IL1RAPL1: variants seen among roughly 807,000 people sequenced by gnomAD.
The protein encoded by IL1RAPL1 is interleukin 1 receptor accessory protein like 1.
A neutral mutation model predicts 48.4 loss-of-function variants in IL1RAPL1; 3 were observed. The ratio of observed to expected loss-of-function variants is 0.06; its 90% CI spans 0.03 to 0.16. IL1RAPL1 has a LOEUF of 0.16. Ranked by LOEUF, IL1RAPL1 falls within the 10% of genes least tolerant of loss-of-function variation. The pLI is 1.00. For synonymous variants in IL1RAPL1, 185 were observed against 187.7 expected (o/e 0.99, Z 0.12); for missense variants, 349 against 530.6 (o/e 0.66, Z 3.36).
At chrX:29,256,784 G>T (rs1407886531) in intron 2 of IL1RAPL1, among the ~76,000 whole-genome samples, 1 of 111,452 alleles carries the variant, frequency 9.0e-6, no homozygotes, top group East Asian at 2.8e-4. Context: ...TTGTAACTGG[G>T]AAGTATGGTA....
chrX:29,849,390 T>C (rs1931316597), intron 6 of IL1RAPL1, among the ~76,000 whole-genome samples: 1 of 111,744 alleles, frequency 8.9e-6, no homozygotes, highest in Non-Finnish European at 1.9e-5. Context: ...CTGGGATACC[T>C]GGTGACCAAG....
chrX:29,136,615 G>A (rs759925186), intron 2 of IL1RAPL1, among the ~76,000 whole-genome samples: 1 of 111,088 alleles, frequency 9.0e-6, no homozygotes, highest in East Asian at 2.8e-4. Context: ...TCCCACCTTA[G>A]CCTCCCAAAG....
At chrX:29,054,549 G>A (rs1336894473) in intron 2 of IL1RAPL1, among the ~76,000 whole-genome samples, 2 of 111,245 alleles carry the variant, frequency 1.8e-5, no homozygotes, top group African/African-American at 6.5e-5. Flanking sequence ...AAGCTGTATG[G>A]GCTCCACCAA....
rs1569128036 is a variant in IL1RAPL1, at chrX:29,613,711, TCGTGTGTGTGTGTGTGTG to T, written c.704-54718_704-54701del. Among the ~76,000 whole-genome samples the T allele has an allele frequency of 3.0e-3, 236 of 78,495 alleles. 3 individuals carry two copies. Among genetic ancestry groups the T allele is most frequent in the African/African-American group, 0.012 (225 of 18,872 alleles). The allele number at this position is 78,495 out of a possible 115,157, so 68.2% of individuals were successfully genotyped here. ...ACAAATGGGAGAAGCTGGGTTTTTTTCGTGTGTGTGTGTGTGTGTGTGTGTGTGTGTGTGTGTGTGTGT... is the reference window on the plus strand; with the variant it reads ...ACAAATGGGAGAAGCTGGGTTTTTTTTGTGTGTGTGTGTGTGTGTGTGTGT... On this transcript the variant is annotated intron_variant, in intron 5 of 10. Transcript: ENST00000378993.
At chrX:29,635,484 CAGAT>C (rs764321415) in intron 5 of IL1RAPL1, among the ~76,000 whole-genome samples, 7 of 111,493 alleles carry the variant, frequency 6.3e-5, no homozygotes, top group African/African-American at 2.0e-4. Context: ...TCTGAAAGAT[CAGAT>C]AGATAGAAAT....
chrX:29,737,551 GAAAAT>G (rs1286806286), intron 6 of IL1RAPL1, among the ~76,000 whole-genome samples: 4 of 111,680 alleles, frequency 3.6e-5, no homozygotes, highest in Admixed American at 9.5e-5. Flanking sequence ...ATAAAGAAAA[GAAAAT>G]AAACCATAAG....
intron 5 of IL1RAPL1, among the ~76,000 whole-genome samples, chrX:29,616,888 T>G (rs1195948114): frequency 8.9e-6 from 1 of 111,759 alleles, no homozygotes; most frequent in African/African-American, 3.3e-5. Context: ...ATATCTCTAT[T>G]ATCAGTTTTT....
chrX:29,567,854 T>G (rs1922459988), intron 5 of IL1RAPL1, among the ~76,000 whole-genome samples: 2 of 111,296 alleles, frequency 1.8e-5, no homozygotes, highest in Admixed American at 1.9e-4. Context: ...GCAGACATCT[T>G]CCTTTGAAAA....
rs1236084824 is a variant in IL1RAPL1 at position 29,168,635 on chromosome X, CTATTGTATATG to C, written c.83-114281_83-114271del. Reference sequence around the variant, plus strand: ...TATATTTATATTCATATATATACATCTATTGTATATGTATTGTATATGTATTGTATATATAT... The same window carrying C: ...TATATTTATATTCATATATATACATCTATTGTATATGTATTGTATATATAT... On this transcript the variant is annotated intron_variant, in intron 2 of 10. Coordinates refer to ENST00000378993, the MANE Select transcript of IL1RAPL1 (RefSeq NM_014271.4). Among the ~76,000 whole-genome samples, 12 of 85,981 alleles carry C rather than the reference CTATTGTATATG, an allele frequency of 1.4e-4. 1 individual carries two copies. The East Asian group carries it at 3.5e-3, about 25-fold the overall frequency. 74.7% of individuals were successfully genotyped at this position (85,981 alleles called of 115,157 possible). A position where few individuals can be genotyped will look rare whatever the true frequency, so the allele number is the denominator to read the frequency against.
At chrX:28,723,167 G>A (rs1935612697) in intron 1 of IL1RAPL1, among the ~76,000 whole-genome samples, 1 of 111,337 alleles carries the variant, frequency 9.0e-6, no homozygotes, top group Admixed American at 9.6e-5. Context: ...CAGAAGGTAT[G>A]GTTCCATCTC....
At chrX:29,043,386 T>A (rs1452923109) in intron 2 of IL1RAPL1, among the ~76,000 whole-genome samples, 1 of 109,689 alleles carries the variant, frequency 9.1e-6, no homozygotes, top group Non-Finnish European at 1.9e-5. Context: ...AGATGTGATC[T>A]TTTTTTTTCA....
intron 2 of IL1RAPL1, among the ~76,000 whole-genome samples, chrX:28,980,675 A>G (rs1925307979): frequency 9.0e-6 from 1 of 111,428 alleles, no homozygotes; most frequent in South Asian, 3.8e-4. Flanking sequence ...ACAAATGCAT[A>G]TATGGGTCAC....
At chrX:29,150,155 A>G (rs1315061477) in intron 2 of IL1RAPL1, among the ~76,000 whole-genome samples, 1 of 112,493 alleles carries the variant, frequency 8.9e-6, no homozygotes, top group Non-Finnish European at 1.9e-5. Context: ...CTCAATAAAT[A>G]TCGTTGCATT....
At chrX:28,817,489 A>AG (rs780535694) in intron 2 of IL1RAPL1, among the ~76,000 whole-genome samples, 105 of 111,305 alleles carry the variant, frequency 9.4e-4, no homozygotes, top group African/African-American at 3.3e-3. Flanking sequence ...CACTAATAGG[A>AG]GACTGCTGGC....
intron 1 of IL1RAPL1, among the ~76,000 whole-genome samples, chrX:28,601,966 G>A (rs747027581): frequency 3.7e-5 from 4 of 109,457 alleles, no homozygotes; most frequent in Non-Finnish European, 5.7e-5. Context: ...TTAGCCAGAC[G>A]TGGTGGCGCA....
chrX:29,000,975 A>T (rs778101910), intron 2 of IL1RAPL1, among the ~76,000 whole-genome samples: 35 of 106,279 alleles, frequency 3.3e-4, no homozygotes, highest in African/African-American at 1.1e-3. Context: ...TCCTTTCTTC[A>T]TATTGTCTTT....
intron 5 of IL1RAPL1, among the ~76,000 whole-genome samples, chrX:29,628,005 C>T (rs763399581): frequency 1.8e-5 from 2 of 112,251 alleles, no homozygotes; most frequent in African/African-American, 3.2e-5. Flanking sequence ...AACAGCTGTA[C>T]ATTTAGTTGC....
intron 2 of IL1RAPL1, among the ~76,000 whole-genome samples, chrX:29,071,908 G>A (rs1927573030): frequency 8.9e-6 from 1 of 111,896 alleles, no homozygotes; most frequent in African/African-American, 3.2e-5. Context: ...GGGAGGATAA[G>A]TGAAAAGAAA....
intron 5 of IL1RAPL1, among the ~76,000 whole-genome samples, chrX:29,435,372 C>T (rs776645474): frequency 1.8e-5 from 2 of 111,036 alleles, no homozygotes; most frequent in Admixed American, 1.9e-4. Context: ...GAGGAACTGC[C>T]AAATTGTTTC....
Sources: allele counts gnomAD v4.1 joint callset (sites outside exome capture counted in the v4.1 genomes callset), GRCh38; gene constraint gnomAD v4.1.1; transcripts MANE v1.5; gene names NCBI Gene and HGNC (gene_info 2026-07-23, HGNC 2026-07-21).